Variants in RABGAP1L observed in about 807,000 individuals in gnomAD.
RABGAP1L encodes the protein rab GTPase-activating protein 1-like.
In RABGAP1L, 63 loss-of-function variants were observed where a neutral mutation model predicts 137.7. The ratio of observed to expected loss-of-function variants is 0.46; its 90% CI spans 0.37 to 0.56. The LOEUF (loss-of-function observed/expected upper bound fraction) is 0.56. Ranked by LOEUF, RABGAP1L falls within the 20% of genes least tolerant of loss-of-function variation. RABGAP1L has a pLI of 0.00. For missense variants in RABGAP1L, 1,095 were observed against 1,244.0 expected (o/e 0.88, Z 1.80); for synonymous variants, 431 against 433.7 (o/e 0.99, Z 0.08).
At chr1:174,521,510 G>C (rs1471708649) in intron 13 of RABGAP1L, among the ~76,000 whole-genome samples, 1 of 152,186 alleles carries the variant, frequency 6.6e-6, no homozygotes, top group Non-Finnish European at 1.5e-5. Context: ...CTTCTGGTTA[G>C]ATACAAAGAT....
intron 3 of RABGAP1L, among the ~76,000 whole-genome samples, chr1:174,221,987 C>G (rs1309002445): frequency 6.7e-6 from 1 of 149,094 alleles, no homozygotes; most frequent in Non-Finnish European, 1.5e-5. Flanking sequence ...ACCACCATGC[C>G]TAGCTAATTT....
At chr1:174,783,119 C>G (rs1208259033) in intron 18 of RABGAP1L, among the ~76,000 whole-genome samples, 1 of 152,140 alleles carries the variant, frequency 6.6e-6, no homozygotes, top group Non-Finnish European at 1.5e-5. Context: ...TGACTTCCAG[C>G]CCTCTGGATC....
intron 10 of RABGAP1L, among the ~76,000 whole-genome samples, chr1:174,293,950 G>A (rs1457170326): frequency 1.3e-5 from 2 of 151,966 alleles, no homozygotes; most frequent in Non-Finnish European, 2.9e-5. Flanking sequence ...TTCAGAAGCA[G>A]CACTCACTCA....
At chr1:174,388,369 T>A (rs1686970391) in intron 12 of RABGAP1L, among the ~76,000 whole-genome samples, 1 of 151,722 alleles carries the variant, frequency 6.6e-6, no homozygotes, top group African/African-American at 2.4e-5. Flanking sequence ...ATAAAAATAA[T>A]ATAGAAAACT....
intron 14 of RABGAP1L, among the ~76,000 whole-genome samples, chr1:174,645,203 T>G (rs1169854730): frequency 6.6e-6 from 1 of 152,090 alleles, no homozygotes; most frequent in Non-Finnish European, 1.5e-5. Flanking sequence ...AAATTTATTT[T>G]TAAAATATTT....
At chr1:174,699,220 T>A (rs1344081821) in intron 15 of RABGAP1L, among the ~76,000 whole-genome samples, 1 of 152,176 alleles carries the variant, frequency 6.6e-6, no homozygotes, top group Non-Finnish European at 1.5e-5. Flanking sequence ...CTCGAACTCC[T>A]GGGCTTAAGT....
rs1671836559 is a variant in RABGAP1L, at chr1:174,241,625, A to T, written c.685A>T (p.Ile229Leu). ...TTCCCATGGTTCGGAAGAATTTCAG[A>T]TACATGTTTTCTCCTGTGAAATTAA... is the stretch of plus-strand genomic sequence containing the variant. Reference protein sequence around the residue: ...ESSHGSEEFQIHVFSCEIKEA... With the variant: ...ESSHGSEEFQLHVFSCEIKEA... Residue 229 changes from isoleucine to leucine, a missense_variant, in exon 5 of 26, where the codon ATA becomes TTA. This residue lies in a region of RABGAP1L where 356 missense variants were observed against 326.3 expected (regional missense o/e 1.09). Transcript: ENST00000681986. 10 of 1,613,530 alleles carry T rather than the reference A, an allele frequency of 6.2e-6. No individual in the cohort carries two copies. The highest frequency in any genetic ancestry group is 8.5e-6 in the Non-Finnish European group (10 of 1,179,850).
At chr1:174,484,701 G>C (rs1389806415) in intron 13 of RABGAP1L, among the ~76,000 whole-genome samples, 1 of 152,118 alleles carries the variant, frequency 6.6e-6, no homozygotes, top group East Asian at 1.9e-4. Context: ...TGAATTCATT[G>C]TAGATGTGTG....
At chr1:174,176,900 G>T (rs1012185980) in intron 1 of RABGAP1L, among the ~76,000 whole-genome samples, 2 of 151,220 alleles carry the variant, frequency 1.3e-5, no homozygotes, top group Non-Finnish European at 2.9e-5. Context: ...CCAACATGGT[G>T]AAACCTTTAC....
At chr1:174,321,988 A>ATT (rs57693085) in intron 11 of RABGAP1L, among the ~76,000 whole-genome samples, 3 of 151,954 alleles carry the variant, frequency 2.0e-5, no homozygotes, top group South Asian at 2.1e-4. Flanking sequence ...ATATTAGACA[A>ATT]TTTTTTTATC....
At chr1:174,969,067 C>T (rs926035141) in intron 20 of RABGAP1L, among the ~76,000 whole-genome samples, 1 of 152,094 alleles carries the variant, frequency 6.6e-6, no homozygotes, top group Non-Finnish European at 1.5e-5. Flanking sequence ...GTTTAAGGGA[C>T]CAGTTTCACC....
chr1:174,502,340 A>C (rs1177481350), intron 13 of RABGAP1L, among the ~76,000 whole-genome samples: 1 of 151,308 alleles, frequency 6.6e-6, no homozygotes, highest in Non-Finnish European at 1.5e-5. Context: ...CCAGGTCACT[A>C]CTCCACTGAC....
chr1:174,778,891 G>A (rs1163965315), intron 18 of RABGAP1L, among the ~76,000 whole-genome samples: 2 of 152,030 alleles, frequency 1.3e-5, no homozygotes, highest in Non-Finnish European at 2.9e-5. Flanking sequence ...ACTGCACCCG[G>A]CCACCTTCTG....
intron 17 of RABGAP1L, among the ~76,000 whole-genome samples, chr1:174,712,130 C>A (rs1458889091): frequency 6.6e-6 from 1 of 152,174 alleles, no homozygotes; most frequent in African/African-American, 2.4e-5. Flanking sequence ...GTAAAATGGA[C>A]CAATCAGCTG....
chr1:174,526,590 A>G (rs1031229606), intron 13 of RABGAP1L, among the ~76,000 whole-genome samples: 1 of 151,974 alleles, frequency 6.6e-6, no homozygotes, highest in African/African-American at 2.4e-5. Flanking sequence ...GAATTTATCC[A>G]TTTTCTCTTA....
chr1:174,449,953 A>AT (rs956695172), intron 13 of RABGAP1L, among the ~76,000 whole-genome samples: 6 of 152,028 alleles, frequency 3.9e-5, no homozygotes, highest in Non-Finnish European at 8.8e-5. Flanking sequence ...TGTCTTAGCT[A>AT]TTGAAAGAAT....
chr1:174,186,429 C>T (rs184217825), intron 1 of RABGAP1L, among the ~76,000 whole-genome samples: 13 of 152,276 alleles, frequency 8.5e-5, no homozygotes, highest in Admixed American at 4.6e-4. Flanking sequence ...TTTTAAACTG[C>T]TTTCTAGTAA....
chr1:174,620,339 C>G (rs12077283), intron 13 of RABGAP1L, among the ~76,000 whole-genome samples: 2 of 152,076 alleles, frequency 1.3e-5, no homozygotes, highest in African/African-American at 4.8e-5. Context: ...ACATTCTTTT[C>G]AGCACCACAC....
chr1:174,647,088 C>G (rs953807450), intron 14 of RABGAP1L, among the ~76,000 whole-genome samples: 1 of 152,150 alleles, frequency 6.6e-6, no homozygotes, highest in Non-Finnish European at 1.5e-5. Flanking sequence ...AGGTGCTTAG[C>G]AGCTTAAGGA....
Sources: gnomAD v4.1 joint callset for allele counts (sites outside exome capture counted in the v4.1 genomes callset) on GRCh38, gnomAD v4.1.1 for gene constraint, gnomAD v4.1.1 regional missense constraint, MANE v1.5 for transcripts, NCBI Gene and HGNC (gene_info 2026-07-23, HGNC 2026-07-21) for gene names.